CCDC62: variants seen among roughly 807,000 people sequenced by gnomAD.
The protein encoded by CCDC62 is coiled-coil domain containing 62, also known as coiled-coil domain-containing protein 62.
CCDC62 carries 72 observed loss-of-function variants against 80.8 expected under a neutral mutation model. The ratio of observed to expected loss-of-function variants is 0.89; its 90% CI spans 0.74 to 1.08. The LOEUF (loss-of-function observed/expected upper bound fraction) is 1.08, where lower values mean the gene tolerates loss of function less well. Among genes scored for constraint, CCDC62 ranks in the 50% least tolerant of loss-of-function variants. The pLI is 0.00. For synonymous variants in CCDC62, 286 were observed against 296.5 expected (o/e 0.96, Z 0.36); for missense variants, 704 against 809.4 (o/e 0.87, Z 1.58).
chr12:122,805,862 C>T (rs1025037153), intron 9 of CCDC62, among the ~76,000 whole-genome samples: 31 of 151,922 alleles, frequency 2.0e-4, no homozygotes, highest in African/African-American at 7.0e-4. Context: ...ACCATGTTGG[C>T]CAGGACAGTC....
chr12:122,794,328 G>A (rs920960035), intron 6 of CCDC62, among the ~76,000 whole-genome samples: 4 of 151,970 alleles, frequency 2.6e-5, no homozygotes, highest in African/African-American at 9.7e-5. Context: ...CCAGGTAGGT[G>A]GGACCACAGG....
intron 10 of CCDC62, among the ~76,000 whole-genome samples, chr12:122,811,018 T>C (rs1593823016): frequency 1.4e-5 from 1 of 72,382 alleles, no homozygotes. Flanking sequence ...TGGGGCCTGT[T>C]GTGGGGTGGG....
intron 2 of CCDC62, among the ~76,000 whole-genome samples, chr12:122,779,465 T>TA (rs1879687219): frequency 6.6e-6 from 1 of 151,220 alleles, no homozygotes; most frequent in Non-Finnish European, 1.5e-5. Context: ...AGGGTCTTGT[T>TA]AAAATTTAGA....
intron 5 of CCDC62, among the ~76,000 whole-genome samples, chr12:122,789,132 A>G (rs1015786905): frequency 6.6e-6 from 1 of 152,232 alleles, no homozygotes; most frequent in Non-Finnish European, 1.5e-5. Context: ...AAACTGCAGA[A>G]TGTATCATAT....
At chr12:122,825,674 G>A (rs1188214795) in intron 12 of CCDC62, among the ~76,000 whole-genome samples, 3 of 150,168 alleles carry the variant, frequency 2.0e-5, no homozygotes, top group Non-Finnish European at 4.4e-5. Context: ...TTTATGTGGA[G>A]TAAAGTTTTA....
chr12:122,798,806 G>A (rs978481208), intron 8 of CCDC62, among the ~76,000 whole-genome samples: 8 of 151,000 alleles, frequency 5.3e-5, no homozygotes, highest in Admixed American at 3.3e-4. Flanking sequence ...TAGGCCTGGC[G>A]CGGTGGCTCA....
At chr12:122,787,450 CAAAAA>C (rs11291981) in intron 4 of CCDC62, among the ~76,000 whole-genome samples, 1 of 132,510 alleles carries the variant, frequency 7.5e-6, no homozygotes. Flanking sequence ...GACTCTGTCT[CAAAAA>C]AAAAAAAAAA....
At position 122,792,074 on chromosome 12, in the gene CCDC62, G is replaced by A. The variant is rs765867205; in HGVS notation, c.725G>A (p.Arg242His). 9.9e-6 allele frequency: 16 copies of A among 1,613,806 alleles called. No individual in the cohort carries two copies. Among genetic ancestry groups the A allele is most frequent in the Middle Eastern group, 1.6e-4 (1 of 6,084 alleles). The change falls in exon 6 of 13, where the codon CGC becomes CAC. Residue 242 changes from arginine to histidine, a missense_variant. Transcript: ENST00000253079. ...AATGAGCAACGAGAAGAGATCATTC[G>A]CCTCAAGCAAGAGAAAAGTTGCCTG... ...ENNEQREEII[R>H]LKQEKSCLHD...
At chr12:122,778,311 G>A (rs914336175) in intron 2 of CCDC62, among the ~76,000 whole-genome samples, 16 of 148,236 alleles carry the variant, frequency 1.1e-4, no homozygotes, top group Non-Finnish European at 1.9e-4. Flanking sequence ...CCAAGATTGC[G>A]CCACTGCACT....
chr12:122,817,619 T>C (rs2649899), intron 11 of CCDC62, among the ~76,000 whole-genome samples: 16,727 of 152,228 alleles, frequency 0.11, 2,152 homozygotes, highest in African/African-American at 0.31. Flanking sequence ...CCACTATGCC[T>C]GGCCCAAATT....
chr12:122,797,399 T>A lies in CCDC62; in HGVS notation c.861+4T>A. 1 of 1,528,424 alleles carries A rather than the reference T, an allele frequency of 6.5e-7. No homozygotes were observed. Among genetic ancestry groups the A allele is most frequent in the Non-Finnish European group, 9.1e-7 (1 of 1,103,014 alleles). 94.7% of individuals were successfully genotyped at this position (1,528,424 alleles called of 1,614,324 possible). A position where few individuals can be genotyped will look rare whatever the true frequency, so the allele number is the denominator to read the frequency against. On this transcript the variant is annotated splice_donor_region_variant and intron_variant, in intron 7 of 12. Transcript: ENST00000253079. Reference sequence around the variant, plus strand: ...AGAACTGCACAATCTGAGACAGGTATGTCCCCAATCATCCTTCTCTGTCAC... The same window carrying A: ...AGAACTGCACAATCTGAGACAGGTAAGTCCCCAATCATCCTTCTCTGTCAC...
chr12:122,806,178 C>T lies in CCDC62; in HGVS notation c.1734C>T (p.His578=), dbSNP rs1593815471. The change falls in exon 10 of 13, where the codon CAC becomes CAT. Residue 578 remains histidine (H), a synonymous_variant. Coordinates refer to ENST00000253079, the MANE Select transcript of CCDC62 (RefSeq NM_201435.5). Reference sequence around the variant, plus strand: ...AGCTAATTGCCATCCAAGATTCCCACTCTTTGGGTTCTTCAAAATCTGCCT... The same window carrying T: ...AGCTAATTGCCATCCAAGATTCCCATTCTTTGGGTTCTTCAAAATCTGCCT... ...ASELIAIQDS[H]SLGSSKSALR... The T allele has an allele frequency of 1.9e-6, 3 of 1,613,346 alleles. No individual in the cohort carries two copies. The highest frequency in any genetic ancestry group is 2.5e-6 in the Non-Finnish European group (3 of 1,179,622).
chr12:122,785,589 C>T (rs1375770277), intron 3 of CCDC62, 130 bp from the exon 4 acceptor site: 5 of 690,128 alleles, frequency 7.2e-6, no homozygotes, highest in Non-Finnish European at 1.3e-5. Flanking sequence ...CCATTACCAA[C>T]TCTTTTTTGT....
intron 9 of CCDC62, among the ~76,000 whole-genome samples, chr12:122,805,942 C>T (rs1056107826): frequency 2.0e-5 from 3 of 152,134 alleles, no homozygotes; most frequent in African/African-American, 7.2e-5. Context: ...CATGAGCTAC[C>T]ATGCCCAGCC....
intron 6 of CCDC62, among the ~76,000 whole-genome samples, chr12:122,792,967 T>C (rs2030719426): frequency 6.6e-6 from 1 of 152,140 alleles, no homozygotes; most frequent in Admixed American, 6.6e-5. Context: ...TGCTTCTTAC[T>C]AAAAACATAA....
intron 3 of CCDC62, among the ~76,000 whole-genome samples, chr12:122,781,659 C>T (rs1003203259): frequency 1.0e-4 from 15 of 149,938 alleles, no homozygotes; most frequent in African/African-American, 2.5e-4. Flanking sequence ...CACTCCAGTC[C>T]GGGCAACAAG....
intron 11 of CCDC62, among the ~76,000 whole-genome samples, chr12:122,817,876 G>A (rs2135590225): frequency 6.6e-6 from 1 of 152,242 alleles, no homozygotes; most frequent in East Asian, 1.9e-4. Context: ...GCCAACAGGT[G>A]ACTGCGTCCA....
At chr12:122,792,199 A>AT in intron 6 of CCDC62, 78 bp downstream of exon 6, 4 of 779,280 alleles carry the variant, frequency 5.1e-6, no homozygotes, top group Non-Finnish European at 2.1e-6. Flanking sequence ...CTCTCCCAAA[A>AT]TGGTTTTTTT....
intron 11 of CCDC62, among the ~76,000 whole-genome samples, chr12:122,819,925 G>A (rs1488516237): frequency 6.6e-6 from 1 of 151,670 alleles, no homozygotes; most frequent in East Asian, 1.9e-4. Flanking sequence ...AGCGGGGCAT[G>A]GTGGTGCACA....
Sources: gnomAD v4.1 joint callset for allele counts (sites outside exome capture counted in the v4.1 genomes callset) on GRCh38, gnomAD v4.1.1 for gene constraint, MANE v1.5 for transcripts, NCBI Gene and HGNC (gene_info 2026-07-23, HGNC 2026-07-21) for gene names.